ZNF420: variants seen among roughly 807,000 people sequenced by gnomAD.
The protein encoded by ZNF420 is zinc finger protein 420, also known as ATM and p53-associated KZNF protein.
A neutral mutation model predicts 44.7 loss-of-function variants in ZNF420; 31 were observed. That is an observed-to-expected ratio of 0.69 (90% CI 0.52 to 0.94). ZNF420 has a LOEUF of 0.94. ZNF420 is among the 40% of genes least tolerant of loss of function. The probability of loss-of-function intolerance (pLI) is 0.00; values close to 1 mark genes in which losing one functional copy is unlikely to be tolerated. For synonymous variants in ZNF420, 245 were observed against 267.4 expected (o/e 0.92, Z 0.82); for missense variants, 681 against 827.9 (o/e 0.82, Z 2.18).
At chr19:37,104,549 C>T (rs1278389057) in intron 4 of ZNF420, among the ~76,000 whole-genome samples, 2 of 152,116 alleles carry the variant, frequency 1.3e-5, no homozygotes, top group South Asian at 4.1e-4. Flanking sequence ...TGGATCCTTG[C>T]GGAATTGCCA....
chr19:37,059,287 T>C (rs1463712620), intron 1 of ZNF420, among the ~76,000 whole-genome samples: 1 of 152,174 alleles, frequency 6.6e-6, no homozygotes, highest in Non-Finnish European at 1.5e-5. Flanking sequence ...CTTCCCTGCC[T>C]TAGCGCAGCC....
chr19:37,007,979 A>G, exon 1 of ZNF420: 1 of 168,166 alleles, frequency 5.9e-6, no homozygotes. Context: ...CGTTCTCCGA[A>G]TGCCAGGAGT....
Position 37,129,783 on chromosome 19 carries a change from T to C in ZNF420, c.*725T>C. The C allele has an allele frequency of 3.1e-6, 1 of 327,684 alleles. No individual in the cohort carries two copies. The highest frequency in any genetic ancestry group is 5.4e-5 in the South Asian group (1 of 18,486). 20.3% of individuals were successfully genotyped at this position (327,684 alleles called of 1,614,324 possible). On this transcript the variant is annotated 3_prime_UTR_variant, in exon 5 of 5. Coordinates refer to ENST00000337995, the MANE Select transcript of ZNF420 (RefSeq NM_144689.5). ...AAACCCAGTGGATGTAATCAGTGTA[T>C]TATTGAGCACAGCTGTTAGAGAAGT...
At chr19:37,119,062 A>C (rs1412647472) in intron 4 of ZNF420, among the ~76,000 whole-genome samples, 2 of 152,156 alleles carry the variant, frequency 1.3e-5, no homozygotes, top group African/African-American at 2.4e-5. Context: ...ACAGATCAGC[A>C]AGACAGAAAG....
intron 4 of ZNF420, among the ~76,000 whole-genome samples, chr19:37,113,751 T>G (rs1024106819): frequency 6.6e-6 from 1 of 152,206 alleles, no homozygotes; most frequent in African/African-American, 2.4e-5. Context: ...TAATTAGTAG[T>G]GCTCCAATTT....
At chr19:37,098,716 T>G (rs1568456417) in intron 4 of ZNF420, among the ~76,000 whole-genome samples, 1 of 152,240 alleles carries the variant, frequency 6.6e-6, no homozygotes, top group Non-Finnish European at 1.5e-5. Context: ...TGCTCTCTTC[T>G]AGCTATCTGC....
At chr19:37,074,374 T>C (rs535417703), upstream of ZNF420, among the ~76,000 whole-genome samples, 1 of 152,242 alleles carries the variant, frequency 6.6e-6, no homozygotes, top group South Asian at 2.1e-4. Context: ...TTAACCTAAT[T>C]ATGACAGAGC....
intron 1 of ZNF420, among the ~76,000 whole-genome samples, chr19:37,008,513 A>C (rs966860710): frequency 2.0e-5 from 3 of 152,162 alleles, no homozygotes; most frequent in African/African-American, 7.2e-5. Flanking sequence ...CACCTCAGCC[A>C]AGGACAAAAG....
chr19:37,126,619 G>GTAATGT (rs1434174922), intron 4 of ZNF420, among the ~76,000 whole-genome samples: 1 of 152,212 alleles, frequency 6.6e-6, no homozygotes, highest in East Asian at 1.9e-4. Flanking sequence ...TTAGTCTGGT[G>GTAATGT]TAATGTTGGA....
chr19:37,115,330 A>G (rs1360461703), intron 4 of ZNF420, among the ~76,000 whole-genome samples: 1 of 152,076 alleles, frequency 6.6e-6, no homozygotes, highest in African/African-American at 2.4e-5. Context: ...CGCTCACCAT[A>G]CGGAGGACCC....
At chr19:37,037,940 A>C (rs75962401) in intron 1 of ZNF420, among the ~76,000 whole-genome samples, 2,582 of 152,296 alleles carry the variant, frequency 0.017, 80 homozygotes, top group African/African-American at 0.059. Context: ...AGCTGGAGTA[A>C]GGACCTGGGT....
chr19:37,043,986 G>A (rs766445184), intron 1 of ZNF420, among the ~76,000 whole-genome samples: 1 of 152,188 alleles, frequency 6.6e-6, no homozygotes, highest in Non-Finnish European at 1.5e-5. Flanking sequence ...CTGACCATTG[G>A]ACTGCGGACT....
chr19:37,035,787 C>T (rs1967343823), intron 1 of ZNF420, among the ~76,000 whole-genome samples: 1 of 151,044 alleles, frequency 6.6e-6, no homozygotes, highest in Non-Finnish European at 1.5e-5. Context: ...TGTCAAAGCT[C>T]AATAATTGCC....
intron 1 of ZNF420, among the ~76,000 whole-genome samples, chr19:37,021,438 TG>T (rs2074647758): frequency 6.6e-6 from 1 of 152,084 alleles, no homozygotes; most frequent in Non-Finnish European, 1.5e-5. Context: ...CAGCTAATTT[TG>T]TATTTTTAGT....
At chr19:37,064,814 G>T (rs1015843177) in intron 1 of ZNF420, among the ~76,000 whole-genome samples, 2 of 152,184 alleles carry the variant, frequency 1.3e-5, no homozygotes, top group Admixed American at 6.5e-5. Flanking sequence ...GGAAAATGAA[G>T]AATCTTTCCT....
At chr19:37,067,946 C>A (rs1333457022) in intron 1 of ZNF420, among the ~76,000 whole-genome samples, 1 of 152,124 alleles carries the variant, frequency 6.6e-6, no homozygotes, top group Non-Finnish European at 1.5e-5. Flanking sequence ...CTAATCACTT[C>A]TACCAACTTA....
At chr19:37,113,838 G>T (rs533511064) in intron 4 of ZNF420, among the ~76,000 whole-genome samples, 1 of 152,134 alleles carries the variant, frequency 6.6e-6, no homozygotes, top group African/African-American at 2.4e-5. Context: ...ACCTGTTCTT[G>T]TGCCCCATCA....
At chr19:37,066,229 G>A (rs1349972141) in intron 1 of ZNF420, among the ~76,000 whole-genome samples, 1 of 152,166 alleles carries the variant, frequency 6.6e-6, no homozygotes, top group Non-Finnish European at 1.5e-5. Flanking sequence ...GATCACCTAA[G>A]GTCAGGAGTT....
At chr19:37,111,902 G>A (rs1177659292) in intron 4 of ZNF420, among the ~76,000 whole-genome samples, 1 of 152,112 alleles carries the variant, frequency 6.6e-6, no homozygotes, top group East Asian at 1.9e-4. Flanking sequence ...GATGCCCCAT[G>A]GGTTGAATTA....
Sources: gnomAD v4.1 joint callset for allele counts (sites outside exome capture counted in the v4.1 genomes callset) on GRCh38, gnomAD v4.1.1 for gene constraint, MANE v1.5 for transcripts, NCBI Gene and HGNC (gene_info 2026-07-23, HGNC 2026-07-21) for gene names.